The following TP53AIP1 variants were observed in gnomAD, a reference collection of about 807,000 sequenced individuals.
TP53AIP1 encodes the protein tumor protein p53 regulated apoptosis inducing protein 1, also known as p53-regulated apoptosis-inducing protein 1.
In TP53AIP1, 14 loss-of-function variants were observed where a neutral mutation model predicts 9.5. That is an observed-to-expected ratio of 1.47 (90% CI 0.97 to 2.30). The LOEUF (loss-of-function observed/expected upper bound fraction) is 2.30, where lower values mean the gene tolerates loss of function less well. Ranked by LOEUF, TP53AIP1 falls within the 30% of genes most tolerant of loss-of-function variation. The probability of loss-of-function intolerance (pLI) is 0.00; values close to 1 mark genes in which losing one functional copy is unlikely to be tolerated. For synonymous variants in TP53AIP1, 73 were observed against 61.2 expected, an observed-to-expected ratio of 1.19 and a Z score of -0.90; for missense variants, 153 against 146.7, an observed-to-expected ratio of 1.04 and a Z score of -0.22.
chr11:128,935,621 A>T lies in TP53AIP1; in HGVS notation c.345T>A (p.Asp115Glu), dbSNP rs1236019810. The T allele has an allele frequency of 1.3e-6, 2 of 1,582,316 alleles. No homozygotes were observed. The highest frequency in any genetic ancestry group is 4.5e-5 in the East Asian group (2 of 44,404). ...GCAACCTCAACGGTGCTTTTTTCTG[A>T]TCATAGCTGAGCTCAAATGCTGACC... is the stretch of plus-strand genomic sequence containing the variant. Reference protein sequence around the residue: ...PLGSAFELSYDQKKAPLRLQ With the variant: ...PLGSAFELSYEQKKAPLRLQ The change falls in exon 4 of 4, where the codon GAT (aspartate) becomes GAA (glutamate). Residue 115 changes from aspartate (D) to glutamate (E), a missense_variant. Coordinates refer to ENST00000531399, the MANE Select transcript of TP53AIP1 (RefSeq NM_022112.3).
rs1409197142 is a variant in TP53AIP1, at chr11:128,937,825, G to A, written c.-7C>T. On this transcript the variant is annotated 5_prime_UTR_variant, in exon 2 of 4. Transcript: ENST00000531399. The surrounding 1 kb of genome is among the most constrained non-coding windows in gnomAD (Gnocchi z 4.8). ...CCTCAGAGGAAGATCCCATCCAGGG[G>A]AGGCCCTGTCTGCAGAAAGCAGAGA... 5 of 1,601,854 alleles carry A rather than the reference G, an allele frequency of 3.1e-6. No individual in the cohort carries two copies. The highest frequency in any genetic ancestry group is 4.3e-6 in the Non-Finnish European group (5 of 1,173,952).
At chr11:128,934,758 G>C (rs931818103), downstream of TP53AIP1, 43 of 451,332 alleles carry the variant, frequency 9.5e-5, no homozygotes, top group Non-Finnish European at 1.4e-4. Context: ...TATTTGGAAG[G>C]TGAACCTAGA....
rs188662966 is a variant in TP53AIP1 at position 128,939,308 on chromosome 11, C to T, written c.-76-1414G>A. 5.8e-4 allele frequency among the ~76,000 whole-genome samples: 88 copies of T among 152,278 alleles called. No homozygotes were observed. The highest frequency in any genetic ancestry group is 9.7e-4 in the Non-Finnish European group (66 of 68,022). ...CCCAGCAGCAATGCAAAGCCACCCCCAGAAGAGCTGCCCAGGACAAGTGAT... is the reference window on the plus strand; with the variant it reads ...CCCAGCAGCAATGCAAAGCCACCCCTAGAAGAGCTGCCCAGGACAAGTGAT... On this transcript the variant is annotated intron_variant, in intron 1 of 3. Transcript: ENST00000531399. The surrounding 1 kb of genome is among the most constrained non-coding windows in gnomAD (Gnocchi z 4.1).
chr11:128,936,715 C>CT, intron 2 of TP53AIP1, 66 bp from the exon 3 acceptor site: 2 of 1,506,276 alleles, frequency 1.3e-6, no homozygotes, highest in East Asian at 2.5e-5. Flanking sequence ...TTATTCTTCT[C>CT]TGGCAGGTTT....
chr11:128,938,449 G>A (rs1329948615), intron 1 of TP53AIP1, among the ~76,000 whole-genome samples: 1 of 152,142 alleles, frequency 6.6e-6, no homozygotes, highest in Admixed American at 6.5e-5. Context: ...CTGCTCAGAG[G>A]TTGCCAGCCG....
At position 128,937,746 on chromosome 11, in the gene TP53AIP1, C is replaced by G. The variant is rs537076644; in HGVS notation, c.73G>C (p.Gly25Arg). ...ACCGAGAGGTTCTGGTCTCCCCTGC[C>G]CAGGCCCTGCCTCCTGGCCCCACTG... ...SCSGARRQGL[G>R]RGDQNLSVMP... Residue 25 changes from glycine (G) to arginine (R), a missense_variant, in exon 2 of 4, where the codon GGC becomes CGC. Physicochemically the swap from Gly to Arg is moderately radical, Grantham distance 125 (BLOSUM62 -2). Coordinates refer to ENST00000531399, the MANE Select transcript of TP53AIP1 (RefSeq NM_022112.3). The surrounding 1 kb of genome is among the most constrained non-coding windows in gnomAD (Gnocchi z 4.8). The G allele has an allele frequency of 1.5e-5, 25 of 1,614,072 alleles. No homozygotes were observed. In the South Asian group the frequency reaches 2.7e-4, roughly 18 times the overall value.
chr11:128,940,830 C>G (rs1944926027), intron 1 of TP53AIP1, among the ~76,000 whole-genome samples: 1 of 152,218 alleles, frequency 6.6e-6, no homozygotes, highest in African/African-American at 2.4e-5. Context: ...CTGGCCCAGT[C>G]TCGAGGGGCG....
At chr11:128,941,895 G>C (rs1944952011) in intron 1 of TP53AIP1, among the ~76,000 whole-genome samples, 1 of 152,224 alleles carries the variant, frequency 6.6e-6, no homozygotes, top group East Asian at 1.9e-4. Context: ...TCTGGGTGGA[G>C]GAGGGCCCCA....
chr11:128,936,709 T>G lies in TP53AIP1; in HGVS notation c.142-60A>C. 5 of 1,514,710 alleles carry G rather than the reference T, an allele frequency of 3.3e-6. No individual in the cohort carries two copies. In the East Asian group the frequency reaches 9.8e-5, roughly 30 times the overall value. The allele number at this position is 1,514,710 out of a possible 1,614,324, so 93.8% of individuals were successfully genotyped here. ...CAGCGCCGTCTCTTGGATGGTTTAT[T>G]CTTCTCTGGCAGGTTTTCCCCTAGG... On this transcript the variant is annotated intron_variant, in intron 2 of 3. Coordinates refer to ENST00000531399, the MANE Select transcript of TP53AIP1 (RefSeq NM_022112.3).
intron 3 of TP53AIP1, 170 bp downstream of exon 3, chr11:128,936,368 C>A: frequency 7.1e-7 from 1 of 1,400,630 alleles, no homozygotes; most frequent in Non-Finnish European, 9.2e-7. Context: ...AAAATACATC[C>A]ACAGCAGTTT....
chr11:128,939,229 G>A lies in TP53AIP1; in HGVS notation c.-76-1335C>T, dbSNP rs997220100. On this transcript the variant is annotated intron_variant, in intron 1 of 3. Transcript: ENST00000531399. This position sits in a 1 kb window ranked among gnomAD's most constrained non-coding sequence, Gnocchi z 4.1. ...GGCTCCCTTCCCCATCTGGTTCTGG[G>A]GAAGACACTCTGCACGCAGCCCCCA... is the stretch of plus-strand genomic sequence containing the variant. 6.6e-6 allele frequency among the ~76,000 whole-genome samples: 1 copy of A among 152,122 alleles called. No homozygotes were observed. The highest frequency in any genetic ancestry group is 1.5e-5 in the Non-Finnish European group (1 of 68,028).
chr11:128,942,466 G>A (rs974787791), intron 1 of TP53AIP1, among the ~76,000 whole-genome samples: 8 of 152,208 alleles, frequency 5.3e-5, no homozygotes, highest in African/African-American at 1.2e-4. Flanking sequence ...GGCTCAGGAC[G>A]CACAGCATCG....
chr11:128,935,476 C>T lies in TP53AIP1; in HGVS notation c.*115G>A. On this transcript the variant is annotated 3_prime_UTR_variant, in exon 4 of 4. Transcript: ENST00000531399. Reference sequence around the variant, plus strand: ...GTCAAGGGGGGAAATGAGGTGGCCGCTAGTCAGCGCTGGAGCCATTTCTCG... The same window carrying T: ...GTCAAGGGGGGAAATGAGGTGGCCGTTAGTCAGCGCTGGAGCCATTTCTCG... 1 of 1,446,660 alleles carries T rather than the reference C, an allele frequency of 6.9e-7. No individual in the cohort carries two copies. Among genetic ancestry groups the T allele is most frequent in the African/African-American group, 1.4e-5 (1 of 70,270 alleles). The allele number at this position is 1,446,660 out of a possible 1,614,324, so 89.6% of individuals were successfully genotyped here.
chr11:128,942,861 G>A lies in TP53AIP1; in HGVS notation c.-144C>T, dbSNP rs1944977182. 6.6e-6 allele frequency: 1 copy of A among 152,352 alleles called. No homozygotes were observed. The highest frequency in any genetic ancestry group is 1.9e-4 in the East Asian group (1 of 5,194). The allele number at this position is 152,352 out of a possible 1,614,324, so 9.4% of individuals were successfully genotyped here. Reference sequence around the variant, plus strand: ...CTGCACATCTGTGCTGCTGTGACTGGGTGCAGGTCTGAGCAGAGGCTTTCG... The same window carrying A: ...CTGCACATCTGTGCTGCTGTGACTGAGTGCAGGTCTGAGCAGAGGCTTTCG... On this transcript the variant is annotated 5_prime_UTR_variant, in exon 1 of 4. Transcript: ENST00000531399.
Position 128,935,602 on chromosome 11 carries a change from T to C in TP53AIP1, c.364A>G (p.Arg122Gly), listed in dbSNP as rs374140553. The change falls in exon 4 of 4, where the codon AGG becomes GGG. Residue 122 changes from arginine to glycine, a missense_variant. Transcript: ENST00000531399. ...GGCGTGATCTCGGCTCACTGCAACC[T>C]CAACGGTGCTTTTTTCTGATCATAG... The part of the protein sequence containing the change: ...LSYDQKKAPL[R>G]LQ The C allele has an allele frequency of 3.2e-5, 51 of 1,572,936 alleles. No individual in the cohort carries two copies. In the Middle Eastern group the frequency reaches 5.3e-4, roughly 16 times the overall value.
intron 1 of TP53AIP1, among the ~76,000 whole-genome samples, chr11:128,938,110 G>A (rs1944869453): frequency 6.6e-6 from 1 of 152,108 alleles, no homozygotes; most frequent in African/African-American, 2.4e-5. Context: ...GGGGAAAGGG[G>A]GTGGGATGAT....
rs1356750620 is a variant in TP53AIP1, at chr11:128,939,578, G to A, written c.-76-1684C>T. Reference sequence around the variant, plus strand: ...GGCCACAAGCCAGCAGCCATGCAGCGGATGCACCTGTAGATGATGCACTGC... The same window carrying A: ...GGCCACAAGCCAGCAGCCATGCAGCAGATGCACCTGTAGATGATGCACTGC... On this transcript the variant is annotated intron_variant, in intron 1 of 3. Coordinates refer to ENST00000531399, the MANE Select transcript of TP53AIP1 (RefSeq NM_022112.3). The surrounding 1 kb of genome is among the most constrained non-coding windows in gnomAD (Gnocchi z 4.1). Among the ~76,000 whole-genome samples, 3 of 152,194 alleles carry A rather than the reference G, an allele frequency of 2.0e-5. No individual in the cohort carries two copies. The highest frequency in any genetic ancestry group is 4.8e-5 in the African/African-American group (2 of 41,456).
downstream of TP53AIP1, chr11:128,935,154 G>T (rs1475725887): frequency 2.4e-6 from 2 of 845,200 alleles, no homozygotes; most frequent in Non-Finnish European, 3.9e-6. Context: ...GGGGGCCCGG[G>T]GCTTGCTGGT....
intron 2 of TP53AIP1, chr11:128,936,857 C>T (rs1449778661): frequency 7.2e-7 from 1 of 1,382,370 alleles, no homozygotes; most frequent in East Asian, 2.7e-5. Context: ...GTGCAAAGGA[C>T]ATTAGAGACA....
Sources: gnomAD v4.1 joint callset for allele counts (sites outside exome capture counted in the v4.1 genomes callset) on GRCh38, gnomAD v4.1.1 for gene constraint, Gnocchi (gnomAD v3.1) non-coding constraint, MANE v1.5 for transcripts, NCBI Gene and HGNC (gene_info 2026-07-23, HGNC 2026-07-21) for gene names.